CTNNA2: variants seen among roughly 807,000 people sequenced by gnomAD.
CTNNA2 encodes the protein catenin alpha-2.
Under a neutral mutation model 101.0 loss-of-function variants are expected in CTNNA2, and 42 were observed. The observed-to-expected ratio is 0.42, with a 90% confidence interval of 0.32 to 0.54. CTNNA2 has a LOEUF of 0.54. CTNNA2 is among the 20% of genes least tolerant of loss of function. The probability of loss-of-function intolerance (pLI) is 0.14; values close to 1 mark genes in which losing one functional copy is unlikely to be tolerated. For missense variants in CTNNA2, 871 were observed against 1,223.1 expected, an observed-to-expected ratio of 0.71 and a Z score of 4.29; for synonymous variants, 450 against 456.4, an observed-to-expected ratio of 0.99 and a Z score of 0.18.
At chr2:79,794,320 C>A (rs1029542870) in intron 3 of CTNNA2, among the ~76,000 whole-genome samples, 3 of 152,074 alleles carry the variant, frequency 2.0e-5, no homozygotes, top group Admixed American at 6.6e-5. Context: ...ATTTTTAATT[C>A]TTTTGCCTTT....
intron 2 of CTNNA2, among the ~76,000 whole-genome samples, chr2:79,658,858 C>T (rs1275788536): frequency 6.6e-6 from 1 of 151,862 alleles, no homozygotes. Context: ...GTTCGTGGGG[C>T]CCTGTGAAAT....
At chr2:80,248,398 A>G (rs543127891) in intron 7 of CTNNA2, among the ~76,000 whole-genome samples, 21 of 152,244 alleles carry the variant, frequency 1.4e-4, no homozygotes, top group Non-Finnish European at 2.2e-4. Context: ...TGGGCAGGAG[A>G]GATTCCAGAG....
chr2:79,392,751 T>G (rs1389411464), intron 4 of CTNNA2, among the ~76,000 whole-genome samples: 1 of 152,230 alleles, frequency 6.6e-6, no homozygotes, highest in Non-Finnish European at 1.5e-5. Flanking sequence ...CCAACTTTCA[T>G]GTTGACTTAC....
At chr2:79,341,495 T>C (rs10865442) in intron 3 of CTNNA2, among the ~76,000 whole-genome samples, 133,857 of 152,176 alleles carry the variant, frequency 0.88, 59,172 homozygotes, top group East Asian at 1. Context: ...TCTGACTCCT[T>C]CACTCAGTGT....
intron 2 of CTNNA2, among the ~76,000 whole-genome samples, chr2:79,708,706 G>A (rs1685547847): frequency 6.6e-6 from 1 of 152,014 alleles, no homozygotes. Flanking sequence ...TAAATCTTCA[G>A]AAAATTGTAT....
intron 7 of CTNNA2, among the ~76,000 whole-genome samples, chr2:80,339,542 A>T (rs1457963046): frequency 6.6e-6 from 1 of 152,220 alleles, no homozygotes; most frequent in Non-Finnish European, 1.5e-5. Context: ...AGAGAGAAGT[A>T]GAAATACCTC....
chr2:79,469,202 C>T (rs1670971750), intron 4 of CTNNA2, among the ~76,000 whole-genome samples: 1 of 152,116 alleles, frequency 6.6e-6, no homozygotes, highest in African/African-American at 2.4e-5. Context: ...AGGATATCAC[C>T]TCTGATCCCA....
chr2:80,222,299 C>T (rs186031529), intron 7 of CTNNA2, among the ~76,000 whole-genome samples: 1 of 151,566 alleles, frequency 6.6e-6, no homozygotes, highest in Non-Finnish European at 1.5e-5. Flanking sequence ...ATAAATTATT[C>T]TCATACTCTA....
intron 7 of CTNNA2, among the ~76,000 whole-genome samples, chr2:80,374,934 T>C (rs1169054784): frequency 6.6e-6 from 1 of 152,010 alleles, no homozygotes; most frequent in Non-Finnish European, 1.5e-5. Flanking sequence ...CAACATTACA[T>C]AGGTGCCCAA....
At chr2:79,458,496 A>T (rs1315124615) in intron 4 of CTNNA2, among the ~76,000 whole-genome samples, 1 of 152,090 alleles carries the variant, frequency 6.6e-6, no homozygotes, top group Non-Finnish European at 1.5e-5. Flanking sequence ...AACACTTGGA[A>T]GCTATATAAC....
At chr2:80,349,046 G>T (rs932866458) in intron 7 of CTNNA2, among the ~76,000 whole-genome samples, 2 of 152,162 alleles carry the variant, frequency 1.3e-5, no homozygotes, top group Admixed American at 1.3e-4. Flanking sequence ...AACTTGCTGA[G>T]ATTTTTGGTG....
intron 18 of CTNNA2, among the ~76,000 whole-genome samples, chr2:80,622,795 T>A (rs1264457052): frequency 4.0e-5 from 6 of 151,754 alleles, no homozygotes; most frequent in African/African-American, 7.3e-5. Flanking sequence ...TCTAAAAGAC[T>A]GGAATTCCAC....
rs139795951 is a variant in CTNNA2 at position 80,162,757 on chromosome 2, G to A, written c.1057-230454G>A. The stretch of plus-strand genomic sequence containing the variant: ...GGTGAAAATCCTGATTGATCCAGAG[G>A]TGAAGAAGCAAATTTTCCACCATAT... On this transcript the variant is annotated intron_variant, in intron 7 of 18. Coordinates refer to ENST00000402739, the MANE Select transcript of CTNNA2 (RefSeq NM_001282597.3). 4.9e-3 allele frequency: 7,879 copies of A among 1,600,256 alleles called. 26 individuals are homozygous for A. The highest frequency in any genetic ancestry group is 5.6e-3 in the Non-Finnish European group (6,545 of 1,167,588).
intron 2 of CTNNA2, among the ~76,000 whole-genome samples, chr2:79,250,979 T>C (rs1253652163): frequency 2.0e-5 from 3 of 152,084 alleles, no homozygotes; most frequent in Non-Finnish European, 4.4e-5. Context: ...ACGAGTTTAT[T>C]TGGGAAAAAA....
intron 4 of CTNNA2, among the ~76,000 whole-genome samples, chr2:79,439,326 A>G (rs938540718): frequency 2.6e-5 from 4 of 152,342 alleles, no homozygotes; most frequent in East Asian, 3.9e-4. Context: ...AAAAGCTCCC[A>G]TATTGTATGA....
intron 1 of CTNNA2, among the ~76,000 whole-genome samples, chr2:79,650,230 C>A (rs1035462895): frequency 6.7e-6 from 1 of 148,380 alleles, no homozygotes; most frequent in Non-Finnish European, 1.5e-5. Context: ...GTGGAGACTG[C>A]TACCTGCATG....
intron 2 of CTNNA2, among the ~76,000 whole-genome samples, chr2:79,245,479 C>T (rs1674686924): frequency 6.6e-6 from 1 of 152,166 alleles, no homozygotes; most frequent in South Asian, 2.1e-4. Context: ...AAGATACCAG[C>T]ATATACTACT....
At chr2:79,922,784 C>T (rs916943160) in intron 7 of CTNNA2, among the ~76,000 whole-genome samples, 1 of 152,012 alleles carries the variant, frequency 6.6e-6, no homozygotes, top group Non-Finnish European at 1.5e-5. Context: ...TAAGGACCCG[C>T]CCAAGGTCAC....
intron 7 of CTNNA2, among the ~76,000 whole-genome samples, chr2:80,244,697 T>C (rs1162782231): frequency 3.3e-5 from 5 of 152,198 alleles, no homozygotes; most frequent in Non-Finnish European, 7.3e-5. Context: ...TATTTTTGCA[T>C]CAACCGAATA....
Sources: allele counts gnomAD v4.1 joint callset (sites outside exome capture counted in the v4.1 genomes callset), GRCh38; gene constraint gnomAD v4.1.1; transcripts MANE v1.5; gene names NCBI Gene and HGNC (gene_info 2026-07-23, HGNC 2026-07-21).